Variants in SCAPER observed in about 807,000 individuals in gnomAD.
SCAPER encodes the protein S phase cyclin A-associated protein in the endoplasmic reticulum.
Under a neutral mutation model 182.2 loss-of-function variants are expected in SCAPER, and 98 were observed. The ratio of observed to expected loss-of-function variants is 0.54; its 90% CI spans 0.46 to 0.64. SCAPER has a LOEUF of 0.64. SCAPER is among the 30% of genes least tolerant of loss of function. The pLI, the probability that SCAPER is intolerant of heterozygous loss-of-function variation, is 0.00. For synonymous variants in SCAPER, 605 were observed against 564.6 expected (o/e 1.07, Z -1.01); for missense variants, 1,432 against 1,690.0 (o/e 0.85, Z 2.68).
chr15:76,510,904 T>C (rs2041978439), intron 23 of SCAPER, among the ~76,000 whole-genome samples: 1 of 152,008 alleles, frequency 6.6e-6, no homozygotes, highest in South Asian at 2.1e-4. Context: ...CGCGCACGTA[T>C]GGAATACTAC....
chr15:76,826,827 C>T lies in SCAPER; in HGVS notation c.393+14907G>A, dbSNP rs73445367. On this transcript the variant is annotated intron_variant, in intron 5 of 31. Coordinates refer to ENST00000563290, the MANE Select transcript of SCAPER (RefSeq NM_020843.4). ...TATAAGTCCACTTGTGTTTCCAGTC[C>T]TTAGCTCTGAGGCTAACTTGTTATG... Among the ~76,000 whole-genome samples, 665 of 152,192 alleles carry T rather than the reference C, an allele frequency of 4.4e-3. 6 individuals carry two copies. The highest frequency in any genetic ancestry group is 0.015 in the African/African-American group (633 of 41,520).
At chr15:76,569,450 A>T (rs1273853741) in intron 23 of SCAPER, among the ~76,000 whole-genome samples, 1 of 152,172 alleles carries the variant, frequency 6.6e-6, no homozygotes, top group Non-Finnish European at 1.5e-5. Flanking sequence ...AATTTTGTTT[A>T]GGAATTCTGA....
At chr15:76,820,352 A>T (rs950419730) in intron 5 of SCAPER, among the ~76,000 whole-genome samples, 17 of 152,184 alleles carry the variant, frequency 1.1e-4, no homozygotes, top group African/African-American at 3.9e-4. Flanking sequence ...ATGTCCAACA[A>T]GGATAGACTG....
At chr15:76,474,470 C>T (rs2050460280) in intron 24 of SCAPER, among the ~76,000 whole-genome samples, 1 of 152,168 alleles carries the variant, frequency 6.6e-6, no homozygotes, top group Admixed American at 6.5e-5. Context: ...CTGGTTAAGA[C>T]TAGAGACATT....
intron 24 of SCAPER, among the ~76,000 whole-genome samples, chr15:76,489,675 A>G (rs1250408533): frequency 6.6e-6 from 1 of 152,142 alleles, no homozygotes; most frequent in Non-Finnish European, 1.5e-5. Context: ...ATCTACCCAC[A>G]GCATATTTTT....
chr15:76,355,211 CAGTTT>C (rs2040871713), intron 29 of SCAPER, among the ~76,000 whole-genome samples: 1 of 152,208 alleles, frequency 6.6e-6, no homozygotes, highest in Admixed American at 6.5e-5. Context: ...GATGATAATG[CAGTTT>C]AGTTTAAGAA....
intron 27 of SCAPER, among the ~76,000 whole-genome samples, chr15:76,386,131 C>T (rs1169887870): frequency 2.0e-5 from 3 of 152,152 alleles, no homozygotes; most frequent in South Asian, 2.1e-4. Flanking sequence ...CTCTTTCTAA[C>T]GCTGACTTTC....
intron 22 of SCAPER, among the ~76,000 whole-genome samples, chr15:76,576,271 C>T (rs1440461410): frequency 3.3e-5 from 5 of 152,042 alleles, no homozygotes; most frequent in Non-Finnish European, 4.4e-5. Context: ...GGTTGAGGTG[C>T]GAGGACTGCT....
chr15:76,580,377 T>C (rs1473969787), intron 22 of SCAPER, among the ~76,000 whole-genome samples: 1 of 152,196 alleles, frequency 6.6e-6, no homozygotes, highest in African/African-American at 2.4e-5. Context: ...TTTTGGAAAC[T>C]ATACGAACAC....
intron 21 of SCAPER, among the ~76,000 whole-genome samples, chr15:76,622,619 T>C (rs1277198351): frequency 6.6e-6 from 1 of 152,130 alleles, no homozygotes; most frequent in Non-Finnish European, 1.5e-5. Context: ...AATATAAAGA[T>C]TTTTACAAAT....
At chr15:76,459,587 T>C (rs750965195) in intron 25 of SCAPER, among the ~76,000 whole-genome samples, 2 of 151,930 alleles carry the variant, frequency 1.3e-5, no homozygotes, top group Non-Finnish European at 2.9e-5. Context: ...TAATTGCTTG[T>C]TGGATGAATA....
At chr15:76,753,534 A>C (rs1198380641) in intron 15 of SCAPER, among the ~76,000 whole-genome samples, 2 of 151,982 alleles carry the variant, frequency 1.3e-5, no homozygotes, top group Non-Finnish European at 2.9e-5. Flanking sequence ...GGATATATAC[A>C]TGTCAAAACT....
intron 22 of SCAPER, among the ~76,000 whole-genome samples, chr15:76,617,340 C>T (rs2051583462): frequency 6.6e-6 from 1 of 152,188 alleles, no homozygotes; most frequent in African/African-American, 2.4e-5. Context: ...TATTCATCAG[C>T]ATTTACTGGC....
In SCAPER at chr15:76,698,005, A is replaced by G. The variant is rs138646593; in HGVS notation, c.2508+3753T>C. ...GGAATTATTACAAGTAATTGAGGCA[A>G]TTAAGGATTTTTTTAAAAGTAGAGT... is the stretch of plus-strand genomic sequence containing the variant. On this transcript the variant is annotated intron_variant, in intron 20 of 31. Transcript: ENST00000563290. Among the ~76,000 whole-genome samples, 906 of 152,230 alleles carry G rather than the reference A, an allele frequency of 6.0e-3. 4 individuals carry two copies. Among genetic ancestry groups the G allele is most frequent in the African/African-American group, 0.021 (873 of 41,540 alleles).
chr15:76,827,158 C>T (rs2068083028), intron 5 of SCAPER, among the ~76,000 whole-genome samples: 1 of 152,186 alleles, frequency 6.6e-6, no homozygotes, highest in South Asian at 2.1e-4. Flanking sequence ...TTCCCAACAT[C>T]CCATTTCTCT....
intron 23 of SCAPER, among the ~76,000 whole-genome samples, chr15:76,562,159 A>AG (rs1567463579): frequency 6.6e-6 from 1 of 151,056 alleles, no homozygotes; most frequent in African/African-American, 2.4e-5. Context: ...AAAAAAAAAA[A>AG]AAAAAAAAAA....
intron 8 of SCAPER, among the ~76,000 whole-genome samples, chr15:76,783,825 A>C (rs1376364743): frequency 6.6e-6 from 1 of 152,236 alleles, no homozygotes; most frequent in Non-Finnish European, 1.5e-5. Context: ...CCTTTGACAA[A>C]ATTCAACAGC....
At chr15:76,896,967 T>G (rs1289571166) in intron 1 of SCAPER, among the ~76,000 whole-genome samples, 4 of 152,064 alleles carry the variant, frequency 2.6e-5, no homozygotes, top group African/African-American at 9.7e-5. Flanking sequence ...ATTTTTTTTT[T>G]TAAAAAGAGT....
chr15:76,765,177 T>C, intron 13 of SCAPER, 105 bp from the exon 14 acceptor site: 1 of 1,057,254 alleles, frequency 9.5e-7, no homozygotes, highest in Non-Finnish European at 1.4e-6. Context: ...AAAACTAATT[T>C]TGGCCCAACA....
Sources: allele counts gnomAD v4.1 joint callset (sites outside exome capture counted in the v4.1 genomes callset), GRCh38; gene constraint gnomAD v4.1.1; transcripts MANE v1.5; gene names NCBI Gene and HGNC (gene_info 2026-07-23, HGNC 2026-07-21).